The following EFR3B variants were observed in gnomAD, a reference collection of about 807,000 sequenced individuals.
EFR3B encodes EFR3 homolog B, also known as protein EFR3 homolog B.
A neutral mutation model predicts 104.7 loss-of-function variants in EFR3B; 64 were observed. The observed-to-expected ratio is 0.61, with a 90% CI of 0.50 to 0.75. The LOEUF is 0.75. EFR3B is among the 30% of genes least tolerant of loss of function. The pLI, the probability that EFR3B is intolerant of heterozygous loss-of-function variation, is 0.00. For synonymous variants in EFR3B, 385 were observed against 417.9 expected, an observed-to-expected ratio of 0.92 and a Z score of 0.96; for missense variants, 750 against 1,078.5, an observed-to-expected ratio of 0.70 and a Z score of 4.27.
intron 20 of EFR3B, among the ~76,000 whole-genome samples, chr2:25,150,050 C>T (rs1422139307): frequency 6.6e-6 from 1 of 151,974 alleles, no homozygotes; most frequent in East Asian, 1.9e-4. Flanking sequence ...GCCTGTAATC[C>T]CAGCACTTTG....
At chr2:25,072,646 C>G (rs1668529782) in intron 1 of EFR3B, among the ~76,000 whole-genome samples, 1 of 152,168 alleles carries the variant, frequency 6.6e-6, no homozygotes, top group Non-Finnish European at 1.5e-5. Context: ...TCTTAGCTCT[C>G]TAAACTCAAA....
intron 5 of EFR3B, among the ~76,000 whole-genome samples, chr2:25,127,208 A>G (rs1457339678): frequency 1.3e-5 from 2 of 151,446 alleles, no homozygotes; most frequent in Non-Finnish European, 2.9e-5. Flanking sequence ...AAAAAAAAAA[A>G]AAAAAAAAGC....
chr2:25,155,655 AAC>A lies in EFR3B; in HGVS notation c.*1316_*1317del, dbSNP rs962984807. ...GTGTCTCCCGGGGTGCCACTGACAG[AAC>A]CTCACCTGGGGCTCCTCCCATGGCA... On this transcript the variant is annotated 3_prime_UTR_variant, in exon 23 of 23. Transcript: ENST00000403714. The A allele has an allele frequency of 7.2e-5, 11 of 152,186 alleles. No homozygotes were observed. The highest frequency in any genetic ancestry group is 2.4e-4 in the African/African-American group (10 of 41,420). 9.4% of individuals were successfully genotyped at this position (152,186 alleles called of 1,614,324 possible). A position where few individuals can be genotyped will look rare whatever the true frequency, so the allele number is the denominator to read the frequency against.
At chr2:25,104,203 C>CA (rs1459631413) in intron 4 of EFR3B, among the ~76,000 whole-genome samples, 1 of 151,178 alleles carries the variant, frequency 6.6e-6, no homozygotes, top group African/African-American at 2.4e-5. Context: ...CAAAAAAAAA[C>CA]AAAAACAAAA....
chr2:25,107,591 A>G (rs1669600966), intron 4 of EFR3B, among the ~76,000 whole-genome samples: 2 of 152,062 alleles, frequency 1.3e-5, no homozygotes, highest in Non-Finnish European at 2.9e-5. Context: ...AAGCCTGTGT[A>G]GGATTCCTTC....
chr2:25,133,509 T>C (rs1042858275), intron 12 of EFR3B, 75 bp downstream of exon 12: 11 of 1,433,112 alleles, frequency 7.7e-6, no homozygotes, highest in Non-Finnish European at 1.1e-5. Flanking sequence ...AGTGAAGGCC[T>C]CCACATACAG....
chr2:25,154,712 ACTT>A lies in EFR3B; in HGVS notation c.*373_*375del, dbSNP rs1671111847. The A allele has an allele frequency of 1.1e-5, 2 of 187,176 alleles. No homozygotes were observed. Among genetic ancestry groups the A allele is most frequent in the Non-Finnish European group, 2.2e-5 (2 of 91,900 alleles). 11.6% of individuals were successfully genotyped at this position (187,176 alleles called of 1,614,324 possible). ...CCCCAGAGGACGGAGCTGGATGGAG[ACTT>A]GGTTGGTGAGAGGAAGCTAAGGACT... On this transcript the variant is annotated 3_prime_UTR_variant, in exon 23 of 23. Coordinates refer to ENST00000403714, the MANE Select transcript of EFR3B (RefSeq NM_014971.2). This position sits in a 1 kb window ranked among gnomAD's most constrained non-coding sequence, Gnocchi z 4.1.
Position 25,132,906 on chromosome 2 carries a change from C to T in EFR3B, c.1151C>T (p.Ser384Phe), listed in dbSNP as rs1021985047. 2.6e-6 allele frequency: 4 copies of T among 1,550,574 alleles called. No homozygotes were observed. The highest frequency in any genetic ancestry group is 2.6e-6 in the Non-Finnish European group (3 of 1,146,932). ...FQEAVIKTVG[S>F]FASTLPTYQR... The stretch of plus-strand genomic sequence containing the variant: ...CCCTCTCCGCCACCTCCTGCAGGCT[C>T]CTTTGCCAGCACGCTGCCCACCTAC... The change falls in exon 11 of 23, where the codon TCC becomes TTC. Residue 384 changes from serine to phenylalanine, a missense_variant. Coordinates refer to ENST00000403714, the MANE Select transcript of EFR3B (RefSeq NM_014971.2).
chr2:25,109,625 T>C (rs866394925), intron 4 of EFR3B, among the ~76,000 whole-genome samples: 2 of 152,152 alleles, frequency 1.3e-5, no homozygotes, highest in African/African-American at 4.8e-5. Context: ...ACCAAAAAGG[T>C]CACCTATTTA....
At chr2:25,150,735 C>T (rs919793183) in intron 20 of EFR3B, among the ~76,000 whole-genome samples, 2 of 151,876 alleles carry the variant, frequency 1.3e-5, no homozygotes, top group Admixed American at 1.3e-4. Context: ...CTCAGCCTCC[C>T]GCGTGACTGG....
rs112370450 is a variant in EFR3B, at chr2:25,095,005, G to T, written c.212+1875G>T. Among the ~76,000 whole-genome samples the T allele has an allele frequency of 0.023, 3,492 of 152,048 alleles. 250 individuals are homozygous for T. The East Asian group carries it at 0.27, about 12-fold the overall frequency. On this transcript the variant is annotated intron_variant, in intron 3 of 22. Coordinates refer to ENST00000403714, the MANE Select transcript of EFR3B (RefSeq NM_014971.2). ...GGAGTTTCACCATGTTGCCCAGCCT[G>T]GTCTGGAACTCCCAGGCTCAAGCAA...
intron 1 of EFR3B, among the ~76,000 whole-genome samples, chr2:25,073,585 G>T (rs185202561): frequency 6.6e-6 from 1 of 152,118 alleles, no homozygotes; most frequent in East Asian, 1.9e-4. Flanking sequence ...TTGAACTCCT[G>T]AGCTCAAGTA....
chr2:25,068,822 G>T (rs1388641328), intron 1 of EFR3B, among the ~76,000 whole-genome samples: 1 of 151,742 alleles, frequency 6.6e-6, no homozygotes, highest in East Asian at 1.9e-4. Flanking sequence ...GTAGCGATGG[G>T]GTTTCACCGT....
chr2:25,053,937 CA>C (rs1667951802), intron 1 of EFR3B, among the ~76,000 whole-genome samples: 1 of 152,120 alleles, frequency 6.6e-6, no homozygotes, highest in Admixed American at 6.6e-5. Flanking sequence ...AACACACAAA[CA>C]AAAAATTCCT....
In EFR3B at chr2:25,139,023, T is replaced by G; in HGVS notation, c.1723-36T>G. On this transcript the variant is annotated intron_variant, in intron 15 of 22. Coordinates refer to ENST00000403714, the MANE Select transcript of EFR3B (RefSeq NM_014971.2). ...GTTGGCACCCAGTGTAGTCTGTCAG[T>G]GAAAAACTCCGGAGGCCTTGTCTAT... 3.2e-6 allele frequency: 5 copies of G among 1,551,244 alleles called. No individual in the cohort carries two copies. The South Asian group carries it at 6.0e-5, about 18-fold the overall frequency.
At chr2:25,065,083 G>A (rs1044505324) in intron 1 of EFR3B, among the ~76,000 whole-genome samples, 1 of 152,058 alleles carries the variant, frequency 6.6e-6, no homozygotes, top group Non-Finnish European at 1.5e-5. Context: ...ACCTGGCGGG[G>A]GGGGCGGGGC....
intron 3 of EFR3B, among the ~76,000 whole-genome samples, chr2:25,093,696 GC>G (rs1247660011): frequency 2.0e-5 from 3 of 151,918 alleles, no homozygotes; most frequent in Admixed American, 6.6e-5. Context: ...CCATACAGAA[GC>G]CCTCATACAG....
chr2:25,086,634 C>A (rs1668957638), intron 1 of EFR3B, among the ~76,000 whole-genome samples: 1 of 152,104 alleles, frequency 6.6e-6, no homozygotes, highest in African/African-American at 2.4e-5. Context: ...GCTCTGTCTC[C>A]CAGGCTGGAG....
chr2:25,147,248 A>G (rs1670844404), intron 19 of EFR3B: 1 of 152,158 alleles, frequency 6.6e-6, no homozygotes, highest in African/African-American at 2.4e-5. Context: ...GTTCCCTAGC[A>G]CCCTGCAGGT....
Sources: allele counts gnomAD v4.1 joint callset (sites outside exome capture counted in the v4.1 genomes callset), GRCh38; gene constraint gnomAD v4.1.1; non-coding constraint Gnocchi (gnomAD v3.1); transcripts MANE v1.5; gene names NCBI Gene and HGNC (gene_info 2026-07-23, HGNC 2026-07-21).